FGF14: variants seen among roughly 807,000 people sequenced by gnomAD.
The protein encoded by FGF14 is fibroblast growth factor 14.
FGF14 carries 5 observed loss-of-function variants against 25.5 expected under a neutral mutation model. That is an observed-to-expected ratio of 0.20 (90% confidence interval 0.10 to 0.41). The LOEUF (loss-of-function observed/expected upper bound fraction) is 0.41, where lower values mean the gene tolerates loss of function less well. Ranked by LOEUF, FGF14 falls within the 10% of genes least tolerant of loss-of-function variation. FGF14 has a pLI of 1.00. For missense variants in FGF14, 222 were observed against 320.1 expected (o/e 0.69, Z 2.34); for synonymous variants, 138 against 118.3 (o/e 1.17, Z -1.08).
intron 1 of FGF14, among the ~76,000 whole-genome samples, chr13:102,279,562 A>G (rs2053723548): frequency 6.6e-6 from 1 of 152,160 alleles, no homozygotes; most frequent in African/African-American, 2.4e-5. Flanking sequence ...GTTGATCACT[A>G]ATTTGTAATA....
intron 1 of FGF14, among the ~76,000 whole-genome samples, chr13:102,271,269 G>C (rs2053232280): frequency 6.6e-6 from 1 of 151,966 alleles, no homozygotes; most frequent in Non-Finnish European, 1.5e-5. Context: ...ATCTCATATT[G>C]GTTTGCCAGT....
chr13:102,099,164 A>G (rs1418919913), intron 1 of FGF14, among the ~76,000 whole-genome samples: 1 of 152,146 alleles, frequency 6.6e-6, no homozygotes, highest in Non-Finnish European at 1.5e-5. Flanking sequence ...ACCATACACC[A>G]TATTTATATG....
intron 3 of FGF14, among the ~76,000 whole-genome samples, chr13:101,812,959 G>A (rs1459629626): frequency 6.6e-6 from 1 of 151,994 alleles, no homozygotes; most frequent in African/African-American, 2.4e-5. Context: ...GAGCCACCAT[G>A]CCCAGCTAAA....
At chr13:102,246,362 A>AAGGAGAG (rs2051867151) in intron 1 of FGF14, among the ~76,000 whole-genome samples, 3 of 152,126 alleles carry the variant, frequency 2.0e-5, no homozygotes, top group African/African-American at 7.2e-5. Context: ...AGAGCAAGCA[A>AAGGAGAG]TGCTACACAG....
chr13:102,130,905 G>T (rs1267726291), intron 1 of FGF14, among the ~76,000 whole-genome samples: 1 of 152,094 alleles, frequency 6.6e-6, no homozygotes, highest in Non-Finnish European at 1.5e-5. Flanking sequence ...ACTCTGAAGG[G>T]CTGTTCATAG....
At chr13:102,370,359 A>T (rs866397811) in intron 1 of FGF14, among the ~76,000 whole-genome samples, 1 of 152,186 alleles carries the variant, frequency 6.6e-6, no homozygotes, top group African/African-American at 2.4e-5. Flanking sequence ...TTTATTTTTT[A>T]AATTTTTAGT....
intron 1 of FGF14, among the ~76,000 whole-genome samples, chr13:102,276,074 A>T (rs1244709201): frequency 6.6e-6 from 1 of 151,984 alleles, no homozygotes; most frequent in African/African-American, 2.4e-5. Context: ...TATAAAAGTT[A>T]GTAATTCCCT....
Position 101,916,756 on chromosome 13 carries a change from G to T in FGF14, c.-111C>A. On this transcript the variant is annotated 5_prime_UTR_variant, in exon 1 of 5. Coordinates refer to ENST00000376143, the MANE Select transcript of FGF14 (RefSeq NM_004115.4). ...CGTGGCTCGCCCTCGGGGCAGAGGA[G>T]GGGGTGCCAGGCGGGACTGGGGAGA... 1.1e-6 allele frequency: 1 copy of T among 915,524 alleles called. No individual in the cohort carries two copies. The highest frequency in any genetic ancestry group is 1.6e-6 in the Non-Finnish European group (1 of 632,376). The allele number at this position is 915,524 out of a possible 1,614,324, so 56.7% of individuals were successfully genotyped here. A position where few individuals can be genotyped will look rare whatever the true frequency, so the allele number is the denominator to read the frequency against.
intron 1 of FGF14, among the ~76,000 whole-genome samples, chr13:102,205,926 T>G (rs1249080388): frequency 1.0e-4 from 14 of 134,672 alleles, no homozygotes; most frequent in African/African-American, 3.6e-4. Context: ...TGGGGTGACG[T>G]GGACCAGTCA....
At chr13:101,842,517 T>C (rs983023569) in intron 3 of FGF14, among the ~76,000 whole-genome samples, 1 of 152,020 alleles carries the variant, frequency 6.6e-6, no homozygotes, top group Admixed American at 6.6e-5. Context: ...GGTGAATACA[T>C]GTGAGGACTA....
intron 3 of FGF14, among the ~76,000 whole-genome samples, chr13:101,817,983 T>C (rs1310970385): frequency 6.6e-6 from 1 of 152,230 alleles, no homozygotes; most frequent in Non-Finnish European, 1.5e-5. Flanking sequence ...CTCATTTTTC[T>C]TCACTCTCTC....
intron 3 of FGF14, among the ~76,000 whole-genome samples, chr13:101,864,332 T>C (rs1352205773): frequency 1.3e-5 from 2 of 152,192 alleles, no homozygotes; most frequent in Non-Finnish European, 2.9e-5. Context: ...GTCCATTTAC[T>C]GATTTTCACC....
intron 1 of FGF14, among the ~76,000 whole-genome samples, chr13:102,231,871 A>G (rs1195153110): frequency 6.6e-6 from 1 of 152,206 alleles, no homozygotes; most frequent in East Asian, 1.9e-4. Context: ...TCACAGGGTC[A>G]TTATAAGGGC....
intron 1 of FGF14, among the ~76,000 whole-genome samples, chr13:102,248,604 G>A (rs1287224929): frequency 6.6e-6 from 1 of 152,086 alleles, no homozygotes; most frequent in Non-Finnish European, 1.5e-5. Context: ...AGGGAGATGG[G>A]GGCCAGATTA....
chr13:102,009,470 AT>A (rs2039970861), intron 1 of FGF14, among the ~76,000 whole-genome samples: 1 of 152,134 alleles, frequency 6.6e-6, no homozygotes, highest in Non-Finnish European at 1.5e-5. Context: ...ACATACTTGT[AT>A]TGATATCTAT....
Position 101,715,288 on chromosome 13 carries a change from AC to A in FGF14, c.*7542del. On this transcript the variant is annotated 3_prime_UTR_variant, in exon 5 of 5. Coordinates refer to ENST00000376143, the MANE Select transcript of FGF14 (RefSeq NM_004115.4). ...GATATAACTTGCTCTTTAAGGGAAAACAAAATTGTCACCTAAAAGCCTAGCT... is the reference window on the plus strand; with the variant it reads ...GATATAACTTGCTCTTTAAGGGAAAAAAAATTGTCACCTAAAAGCCTAGCT... 1 of 341,446 alleles carries A rather than the reference AC, an allele frequency of 2.9e-6. No individual in the cohort carries two copies. Among genetic ancestry groups the A allele is most frequent in the African/African-American group, 2.1e-5 (1 of 47,594 alleles). The allele number at this position is 341,446 out of a possible 1,614,324, so 21.2% of individuals were successfully genotyped here.
At chr13:101,980,299 G>C (rs2038169599) in intron 1 of FGF14, among the ~76,000 whole-genome samples, 1 of 151,032 alleles carries the variant, frequency 6.6e-6, no homozygotes, top group African/African-American at 2.4e-5. Flanking sequence ...ACTTTACAGG[G>C]ATTTAGTGGT....
At chr13:102,023,387 A>G (rs1275703224) in intron 1 of FGF14, among the ~76,000 whole-genome samples, 1 of 152,074 alleles carries the variant, frequency 6.6e-6, no homozygotes, top group Non-Finnish European at 1.5e-5. Flanking sequence ...TAGACATCTC[A>G]TGGTATAGAG....
chr13:101,765,809 A>T (rs1052504834), intron 3 of FGF14, among the ~76,000 whole-genome samples: 3 of 151,856 alleles, frequency 2.0e-5, no homozygotes. Context: ...GGCTCACTGC[A>T]ACCTCTGCTA....
Sources: gnomAD v4.1 joint callset for allele counts (sites outside exome capture counted in the v4.1 genomes callset) on GRCh38, gnomAD v4.1.1 for gene constraint, MANE v1.5 for transcripts, NCBI Gene and HGNC (gene_info 2026-07-23, HGNC 2026-07-21) for gene names.